The following PARD3B variants were observed in gnomAD, a reference collection of about 807,000 sequenced individuals.
PARD3B encodes the protein partitioning defective 3 homolog B.
A neutral mutation model predicts 130.2 loss-of-function variants in PARD3B; 103 were observed. That is an observed-to-expected ratio of 0.79 (90% CI 0.67 to 0.93). The LOEUF (loss-of-function observed/expected upper bound fraction) is 0.93, where lower values mean the gene tolerates loss of function less well. Ranked by LOEUF, PARD3B falls within the 40% of genes least tolerant of loss-of-function variation. PARD3B has a pLI of 0.00. For synonymous variants in PARD3B, 583 were observed against 553.2 expected (o/e 1.05, Z -0.76); for missense variants, 1,609 against 1,499.2 (o/e 1.07, Z -1.21).
chr2:204,835,677 T>C (rs2044003333), intron 2 of PARD3B, among the ~76,000 whole-genome samples: 1 of 152,240 alleles, frequency 6.6e-6, no homozygotes, highest in Non-Finnish European at 1.5e-5. Context: ...ATTTTTTGAC[T>C]TATGCTGGTG....
intron 2 of PARD3B, among the ~76,000 whole-genome samples, chr2:204,875,637 G>T (rs2045811819): frequency 6.6e-6 from 1 of 152,162 alleles, no homozygotes; most frequent in African/African-American, 2.4e-5. Context: ...GTGTCACAAA[G>T]ACTGTATGTT....
rs763382481 is a variant in PARD3B, at chr2:205,370,076, G to C, written c.2631-30937G>C. 1.2e-4 allele frequency among the ~76,000 whole-genome samples: 19 copies of C among 152,278 alleles called. 1 individual carries two copies. Among genetic ancestry groups the C allele is most frequent in the Middle Eastern group, 6.8e-3 (2 of 294 alleles). On this transcript the variant is annotated intron_variant, in intron 18 of 22. Transcript: ENST00000406610. Reference sequence around the variant, plus strand: ...AAGGACGTGCCTTCAGAGTGACCTAGAGACCCTTGCAAACAAGTTAGGGGT... The same window carrying C: ...AAGGACGTGCCTTCAGAGTGACCTACAGACCCTTGCAAACAAGTTAGGGGT...
chr2:205,355,855 C>T (rs1156415915), intron 18 of PARD3B, among the ~76,000 whole-genome samples: 1 of 152,100 alleles, frequency 6.6e-6, no homozygotes, highest in Non-Finnish European at 1.5e-5. Context: ...AGGAGAAGTG[C>T]CAAGGGAAGG....
At chr2:204,594,751 TAAA>T (rs2033215362) in intron 1 of PARD3B, among the ~76,000 whole-genome samples, 1 of 152,170 alleles carries the variant, frequency 6.6e-6, no homozygotes, top group Admixed American at 6.6e-5. Context: ...CTCTGAACTA[TAAA>T]AGTAATGCAT....
intron 2 of PARD3B, among the ~76,000 whole-genome samples, chr2:204,800,057 T>A (rs2042512270): frequency 6.6e-6 from 1 of 152,102 alleles, no homozygotes; most frequent in African/African-American, 2.4e-5. Flanking sequence ...AATCCTGGAG[T>A]GACAGAGATG....
intron 10 of PARD3B, among the ~76,000 whole-genome samples, chr2:205,131,824 T>C (rs1231879221): frequency 6.6e-6 from 1 of 152,164 alleles, no homozygotes; most frequent in Non-Finnish European, 1.5e-5. Context: ...AGTAGTGCTA[T>C]TTTGAATAAG....
At chr2:205,283,987 G>A (rs373720382) in intron 16 of PARD3B, among the ~76,000 whole-genome samples, 2 of 152,152 alleles carry the variant, frequency 1.3e-5, no homozygotes, top group East Asian at 3.9e-4. Context: ...AAAACTTTCT[G>A]TAAGGTTGGC....
intron 21 of PARD3B, among the ~76,000 whole-genome samples, chr2:205,542,597 G>A (rs539828623): frequency 6.6e-6 from 1 of 152,204 alleles, no homozygotes; most frequent in East Asian, 1.9e-4. Context: ...AGCATGAATG[G>A]TAGGACAGGT....
intron 18 of PARD3B, among the ~76,000 whole-genome samples, chr2:205,337,015 A>G (rs990426118): frequency 6.7e-6 from 1 of 149,930 alleles, no homozygotes; most frequent in Admixed American, 6.6e-5. Context: ...AACCTTTTCT[A>G]ATGTAACCTA....
chr2:205,012,547 G>C (rs1439690319), intron 3 of PARD3B, among the ~76,000 whole-genome samples: 1 of 152,160 alleles, frequency 6.6e-6, no homozygotes, highest in Non-Finnish European at 1.5e-5. Flanking sequence ...AAGAAGAGTA[G>C]GTGAAAATGG....
chr2:204,736,327 A>G (rs1254426127), intron 2 of PARD3B, among the ~76,000 whole-genome samples: 2 of 152,062 alleles, frequency 1.3e-5, no homozygotes, highest in African/African-American at 4.8e-5. Context: ...TTTTTGTTAC[A>G]TAGATGAATC....
chr2:205,333,241 G>A (rs1411826636), intron 18 of PARD3B, among the ~76,000 whole-genome samples: 1 of 152,082 alleles, frequency 6.6e-6, no homozygotes, highest in Non-Finnish European at 1.5e-5. Flanking sequence ...CTAACCACAT[G>A]TGGCTTTTGA....
chr2:204,913,906 C>T (rs1392933079), intron 2 of PARD3B, among the ~76,000 whole-genome samples: 1 of 152,178 alleles, frequency 6.6e-6, no homozygotes, highest in Non-Finnish European at 1.5e-5. Context: ...TCTAAAGGCA[C>T]CGTGAAAACA....
At chr2:205,294,675 A>G (rs890213506) in intron 16 of PARD3B, among the ~76,000 whole-genome samples, 4 of 152,178 alleles carry the variant, frequency 2.6e-5, no homozygotes, top group African/African-American at 9.7e-5. Flanking sequence ...TATGAATCTT[A>G]ATGAGAAGTT....
At chr2:205,422,277 A>G (rs915889076) in intron 19 of PARD3B, among the ~76,000 whole-genome samples, 4 of 152,200 alleles carry the variant, frequency 2.6e-5, no homozygotes, top group African/African-American at 7.2e-5. Context: ...AGAGCGTGGC[A>G]TAAGCCAGAG....
At chr2:204,995,059 T>C (rs919741396) in intron 3 of PARD3B, among the ~76,000 whole-genome samples, 2 of 151,696 alleles carry the variant, frequency 1.3e-5, no homozygotes, top group Non-Finnish European at 2.9e-5. Context: ...GTCTTTTAAT[T>C]GGAGAATTTA....
At chr2:205,414,016 T>C (rs1038117569) in intron 19 of PARD3B, among the ~76,000 whole-genome samples, 2 of 152,324 alleles carry the variant, frequency 1.3e-5, no homozygotes, top group East Asian at 3.9e-4. Flanking sequence ...GAGGATATTT[T>C]TGTGCTGTAT....
At position 205,401,025 on chromosome 2, in the gene PARD3B, G is replaced by C. The variant is rs1445833795; in HGVS notation, c.2643G>C (p.Lys881Asn). The change falls in exon 19 of 23, where the codon AAG becomes AAC. Residue 881 changes from lysine (K) to asparagine (N), a missense_variant. Lys to Asn is a moderately conservative substitution (Grantham distance 94). Transcript: ENST00000406610. ...GFGAMLRFGK[K>N]KEDKGGKAEQ... Reference sequence around the variant, plus strand: ...CACGTTTCACTAGATTTGGAAAGAAGAAAGAGGATAAGGGTGGAAAGGCTG... The same window carrying C: ...CACGTTTCACTAGATTTGGAAAGAACAAAGAGGATAAGGGTGGAAAGGCTG... 6.3e-7 allele frequency: 1 copy of C among 1,598,112 alleles called. No homozygotes were observed. Among genetic ancestry groups the C allele is most frequent in the African/African-American group, 1.3e-5 (1 of 74,792 alleles).
At chr2:204,773,782 C>T (rs1035922510) in intron 2 of PARD3B, among the ~76,000 whole-genome samples, 7 of 151,986 alleles carry the variant, frequency 4.6e-5, no homozygotes, top group African/African-American at 1.7e-4. Flanking sequence ...CTCCTTTCAC[C>T]CTGACTTCCT....
Sources: gnomAD v4.1 joint callset for allele counts (sites outside exome capture counted in the v4.1 genomes callset) on GRCh38, gnomAD v4.1.1 for gene constraint, MANE v1.5 for transcripts, NCBI Gene and HGNC (gene_info 2026-07-23, HGNC 2026-07-21) for gene names.